BRINP1: variants seen among roughly 807,000 people sequenced by gnomAD.
BRINP1 encodes BMP/retinoic acid inducible neural specific 1.
BRINP1 carries 17 observed loss-of-function variants against 72.9 expected under a neutral mutation model. The observed-to-expected ratio is 0.23, with a 90% CI of 0.16 to 0.35. The LOEUF is 0.35. Ranked by LOEUF, BRINP1 falls within the 10% of genes least tolerant of loss-of-function variation. BRINP1 has a pLI of 1.00. For synonymous variants in BRINP1, 418 were observed against 378.5 expected, an observed-to-expected ratio of 1.10 and a Z score of -1.21; for missense variants, 850 against 1,001.6, an observed-to-expected ratio of 0.85 and a Z score of 2.04.
At chr9:119,241,795 T>G (rs1339352336) in intron 4 of BRINP1, among the ~76,000 whole-genome samples, 2 of 152,202 alleles carry the variant, frequency 1.3e-5, no homozygotes, top group Non-Finnish European at 2.9e-5. Flanking sequence ...ATGAGAGAAC[T>G]GTTGATAGTT....
At chr9:119,245,158 GC>G (rs1830300677) in intron 3 of BRINP1, among the ~76,000 whole-genome samples, 2 of 152,000 alleles carry the variant, frequency 1.3e-5, no homozygotes, top group Non-Finnish European at 2.9e-5. Flanking sequence ...AGACATCCAT[GC>G]AATACAAACG....
rs139491095 is a variant in BRINP1, at chr9:119,239,956, G to A, written c.580-1196C>T. Among the ~76,000 whole-genome samples, 891 of 151,980 alleles carry A rather than the reference G, an allele frequency of 5.9e-3. 4 individuals carry two copies. Among genetic ancestry groups the A allele is most frequent in the African/African-American group, 0.019 (802 of 41,440 alleles). Reference sequence around the variant, plus strand: ...AATGGTGAATGGGCAAAACTTCTCCGCCCGGGTTAGTGGCTGGTCTTAAAC... The same window carrying A: ...AATGGTGAATGGGCAAAACTTCTCCACCCGGGTTAGTGGCTGGTCTTAAAC... On this transcript the variant is annotated intron_variant, in intron 4 of 7. Coordinates refer to ENST00000265922, the MANE Select transcript of BRINP1 (RefSeq NM_014618.3).
chr9:119,169,121 G>A (rs1024236302), intron 7 of BRINP1, among the ~76,000 whole-genome samples: 39 of 152,232 alleles, frequency 2.6e-4, no homozygotes, highest in African/African-American at 8.2e-4. Context: ...AAATGTGGCG[G>A]AGGAGCCAAG....
intron 2 of BRINP1, among the ~76,000 whole-genome samples, chr9:119,279,959 A>T (rs1357486000): frequency 6.6e-6 from 1 of 152,192 alleles, no homozygotes; most frequent in African/African-American, 2.4e-5. Context: ...AATCTATCCT[A>T]AGGAAATACC....
chr9:119,220,984 A>G (rs931563902), intron 5 of BRINP1, among the ~76,000 whole-genome samples: 4 of 152,142 alleles, frequency 2.6e-5, no homozygotes, highest in African/African-American at 9.7e-5. Flanking sequence ...GTTTTATTCT[A>G]TATCCTAATT....
chr9:119,180,116 C>T (rs1829536012), intron 7 of BRINP1, among the ~76,000 whole-genome samples: 1 of 152,138 alleles, frequency 6.6e-6, no homozygotes, highest in African/African-American at 2.4e-5. Flanking sequence ...AGTGTGGGGC[C>T]AGTGGCATTT....
intron 3 of BRINP1, among the ~76,000 whole-genome samples, chr9:119,246,196 T>C (rs1830314520): frequency 1.3e-5 from 2 of 152,162 alleles, no homozygotes. Context: ...TAATACTGAG[T>C]GTCAACTTCA....
rs140895641 is a variant in BRINP1 at position 119,221,763 on chromosome 9, A to G, written c.686-7608T>C. ...GAATCCTTAGGTGAAAGATACAGGTATATGGAATTCAGCACAATAAAATCA... is the reference window on the plus strand; with the variant it reads ...GAATCCTTAGGTGAAAGATACAGGTGTATGGAATTCAGCACAATAAAATCA... On this transcript the variant is annotated intron_variant, in intron 5 of 7. Transcript: ENST00000265922. 1.4e-3 allele frequency among the ~76,000 whole-genome samples: 212 copies of G among 152,306 alleles called. 1 individual carries two copies. Among genetic ancestry groups the G allele is most frequent in the African/African-American group, 4.8e-3 (199 of 41,574 alleles).
At chr9:119,365,357 A>G (rs1831680748) in intron 1 of BRINP1, among the ~76,000 whole-genome samples, 1 of 152,246 alleles carries the variant, frequency 6.6e-6, no homozygotes. Context: ...ATGACATTTA[A>G]GGACCTGTCT....
intron 5 of BRINP1, among the ~76,000 whole-genome samples, chr9:119,217,683 G>C (rs1588167537): frequency 6.6e-6 from 1 of 152,088 alleles, no homozygotes; most frequent in African/African-American, 2.4e-5. Flanking sequence ...TTCGACAGGT[G>C]CATCTCACAA....
intron 2 of BRINP1, among the ~76,000 whole-genome samples, chr9:119,270,860 T>C (rs1830599104): frequency 6.6e-6 from 1 of 152,204 alleles, no homozygotes; most frequent in Non-Finnish European, 1.5e-5. Flanking sequence ...TATGCCTCAC[T>C]ATTCACCAGA....
At chr9:119,190,774 T>C (rs756903807) in intron 7 of BRINP1, among the ~76,000 whole-genome samples, 1 of 151,872 alleles carries the variant, frequency 6.6e-6, no homozygotes, top group Non-Finnish European at 1.5e-5. Context: ...AAAATAGAGC[T>C]AGAGGGAATA....
intron 2 of BRINP1, among the ~76,000 whole-genome samples, chr9:119,297,468 C>G (rs1280162851): frequency 1.3e-5 from 2 of 152,108 alleles, no homozygotes; most frequent in African/African-American, 4.8e-5. Flanking sequence ...GGCCATATTA[C>G]TTTTCTGAGC....
intron 2 of BRINP1, among the ~76,000 whole-genome samples, chr9:119,299,605 T>G (rs994291838): frequency 7.1e-6 from 1 of 141,838 alleles, no homozygotes; most frequent in Non-Finnish European, 1.5e-5. Context: ...ACGGCGAGAC[T>G]CCGTCTCAAA....
chr9:119,199,168 C>T (rs906113109), intron 7 of BRINP1, among the ~76,000 whole-genome samples: 2 of 151,944 alleles, frequency 1.3e-5, no homozygotes, highest in African/African-American at 4.8e-5. Flanking sequence ...ATGACAGAGC[C>T]GGGACTGTCA....
At chr9:119,194,814 A>T (rs906537511) in intron 7 of BRINP1, among the ~76,000 whole-genome samples, 3 of 152,144 alleles carry the variant, frequency 2.0e-5, no homozygotes, top group African/African-American at 7.2e-5. Context: ...TCTGTCCAAC[A>T]CATTGATTTC....
chr9:119,318,175 TCCC>T (rs986837933), intron 1 of BRINP1, among the ~76,000 whole-genome samples: 8 of 152,116 alleles, frequency 5.3e-5, no homozygotes, highest in Non-Finnish European at 1.0e-4. Context: ...GACAGTCATG[TCCC>T]CTCTCAAGAC....
rs923626127 is a variant in BRINP1 at position 119,258,197 on chromosome 9, G to A, written c.219-9047C>T. Among the ~76,000 whole-genome samples the A allele has an allele frequency of 1.5e-4, 23 of 152,156 alleles. 1 individual carries two copies. The Middle Eastern group carries it at 0.017, about 113-fold the overall frequency. On this transcript the variant is annotated intron_variant, in intron 2 of 7. Transcript: ENST00000265922. ...TCATAGCAGTTCTGAAGGCTCTTACGGGGCTGAATTCAGAGCAATGGGGGT... is the reference window on the plus strand; with the variant it reads ...TCATAGCAGTTCTGAAGGCTCTTACAGGGCTGAATTCAGAGCAATGGGGGT...
chr9:119,346,047 T>C (rs1211052155), intron 1 of BRINP1, among the ~76,000 whole-genome samples: 1 of 152,142 alleles, frequency 6.6e-6, no homozygotes, highest in Middle Eastern at 3.2e-3. Flanking sequence ...CATACTCAAC[T>C]CTGATGCCTT....
Sources: allele counts gnomAD v4.1 joint callset (sites outside exome capture counted in the v4.1 genomes callset), GRCh38; gene constraint gnomAD v4.1.1; transcripts MANE v1.5; gene names NCBI Gene and HGNC (gene_info 2026-07-23, HGNC 2026-07-21).